The following SYNE1 variants were observed in gnomAD, a reference collection of about 807,000 sequenced individuals.
SYNE1 encodes the protein spectrin repeat containing nuclear envelope protein 1.
In SYNE1, 616 loss-of-function variants were observed where a neutral mutation model predicts 1,111.0. The ratio of observed to expected loss-of-function variants is 0.55; its 90% CI spans 0.52 to 0.59. The LOEUF (loss-of-function observed/expected upper bound fraction) is 0.59. SYNE1 is among the 20% of genes least tolerant of loss of function. The pLI is 0.00. For missense variants in SYNE1, 10,006 were observed against 10,417.0 expected (o/e 0.96, Z 1.72); for synonymous variants, 3,855 against 3,825.8 (o/e 1.01, Z -0.28).
At chr6:152,383,154 T>A (rs1434645799) in intron 55 of SYNE1, among the ~76,000 whole-genome samples, 2 of 152,228 alleles carry the variant, frequency 1.3e-5, no homozygotes, top group Non-Finnish European at 2.9e-5. Context: ...CAGTTTCTGA[T>A]AGTCTTCACT....
At chr6:152,636,435 C>T (rs1288656024) in intron 2 of SYNE1, among the ~76,000 whole-genome samples, 2 of 152,052 alleles carry the variant, frequency 1.3e-5, no homozygotes, top group Admixed American at 6.5e-5. Flanking sequence ...AAAGAGGCTC[C>T]CCAACCTCCT....
chr6:152,467,892 A>G (rs1244581198), intron 16 of SYNE1, among the ~76,000 whole-genome samples: 1 of 152,116 alleles, frequency 6.6e-6, no homozygotes, highest in African/African-American at 2.4e-5. Flanking sequence ...TATTTTATCT[A>G]TTGAATCACT....
chr6:152,212,127 T>C (rs2153426827), intron 123 of SYNE1, among the ~76,000 whole-genome samples: 1 of 152,288 alleles, frequency 6.6e-6, no homozygotes, highest in East Asian at 1.9e-4. Flanking sequence ...CTTTATTGAG[T>C]AACAATTCAC....
Position 152,381,060 on chromosome 6 carries a change from G to A in SYNE1, c.8955C>T (p.Leu2985=). ...CCTCATCCGTGTTCTTGCCTTCCAGGAGGGTTAACTGCTGAGCCCAGGTTT... is the reference window on the plus strand; with the variant it reads ...CCTCATCCGTGTTCTTGCCTTCCAGAAGGGTTAACTGCTGAGCCCAGGTTT... ...LLKTWAQQLT[L]LEGKNTDEEI... is the part of the protein sequence containing the mutation. Residue 2985 remains leucine, a synonymous_variant, in exon 56 of 146, where the codon CTC becomes CTT. Coordinates refer to ENST00000367255, the MANE Select transcript of SYNE1 (RefSeq NM_182961.4). 1 of 1,614,114 alleles carries A rather than the reference G, an allele frequency of 6.2e-7. No homozygotes were observed. The highest frequency in any genetic ancestry group is 8.5e-7 in the Non-Finnish European group (1 of 1,180,024).
intron 39 of SYNE1, among the ~76,000 whole-genome samples, chr6:152,424,118 T>A (rs954622004): frequency 6.6e-6 from 1 of 152,176 alleles, no homozygotes. Context: ...CCTCGGCACC[T>A]AAAAAGGTGC....
intron 63 of SYNE1, 44 bp from the exon 64 acceptor site, chr6:152,362,367 T>C: frequency 6.2e-7 from 1 of 1,613,208 alleles, no homozygotes; most frequent in Non-Finnish European, 8.5e-7. Context: ...TTGAGAATCC[T>C]TAGGAGTCTA....
At position 152,442,113 on chromosome 6, in the gene SYNE1, G is replaced by C; in HGVS notation, c.3970C>G (p.Leu1324Val). Residue 1324 changes from leucine (L) to valine (V), a missense_variant, in exon 31 of 146, where the codon CTG (leucine) becomes GTG (valine). By Grantham distance (32) the Leu-to-Val change is conservative (BLOSUM62 1). Transcript: ENST00000367255. ...TCCTGCCTCTCCCGGCTGCGCTCCA[G>C]GCCATCCAGTGTGCTCTCCAGCTTC... ...LRKLESTLDG[L>V]ERSRERQERR... is the part of the protein sequence containing the mutation. 1 of 1,614,072 alleles carries C rather than the reference G, an allele frequency of 6.2e-7. No individual in the cohort carries two copies. The highest frequency in any genetic ancestry group is 8.5e-7 in the Non-Finnish European group (1 of 1,180,038).
intron 22 of SYNE1, among the ~76,000 whole-genome samples, chr6:152,457,128 T>G (rs2098701511): frequency 6.6e-6 from 1 of 152,070 alleles, no homozygotes; most frequent in South Asian, 2.1e-4. Context: ...AGAATGCAGT[T>G]TGGTGGTATA....
rs544556736 is a variant in SYNE1 at position 152,344,292 on chromosome 6, A to G, written c.12079-65T>C. On this transcript the variant is annotated intron_variant, in intron 73 of 145. Transcript: ENST00000367255. ...TTCTACCTCTATAAAGATCATTCAAATTCAATGAAACATGACCAGTACATC... is the reference window on the plus strand; with the variant it reads ...TTCTACCTCTATAAAGATCATTCAAGTTCAATGAAACATGACCAGTACATC... 4.4e-5 allele frequency: 71 copies of G among 1,606,752 alleles called. No individual in the cohort carries two copies. The African/African-American group carries it at 8.6e-4, about 19-fold the overall frequency.
intron 76 of SYNE1, among the ~76,000 whole-genome samples, chr6:152,334,977 G>T (rs1486561505): frequency 6.6e-6 from 1 of 152,304 alleles, no homozygotes; most frequent in South Asian, 2.1e-4. Flanking sequence ...GTTGGGGAAG[G>T]CTGGAGTACA....
chr6:152,461,341 C>T (rs1031189412), intron 21 of SYNE1, among the ~76,000 whole-genome samples: 7 of 152,044 alleles, frequency 4.6e-5, no homozygotes, highest in African/African-American at 1.7e-4. Context: ...CACATGTAAC[C>T]GTTCCCCAAA....
chr6:152,427,741 G>A lies in SYNE1; in HGVS notation c.5052C>T (p.Asp1684=). ...CCACTTTGACTCTGTCTGCAGAAAT[G>A]TCCATTTCTGGGGAACTGGCTTTAG... The part of the protein sequence containing the change: ...GEAKASSPEM[D]ISADRVKVEG... The change falls in exon 38 of 146, where the codon GAC becomes GAT. Residue 1684 remains aspartate (D), a synonymous_variant. Transcript: ENST00000367255. 1 of 1,614,084 alleles carries A rather than the reference G, an allele frequency of 6.2e-7. No individual in the cohort carries two copies. The highest frequency in any genetic ancestry group is 1.1e-5 in the South Asian group (1 of 91,084).
At chr6:152,220,723 G>C in intron 119 of SYNE1, 119 bp downstream of exon 119, 1 of 932,606 alleles carries the variant, frequency 1.1e-6, no homozygotes, top group Non-Finnish European at 1.8e-6. Context: ...TCCTAAGACA[G>C]TTATTTTTGG....
chr6:152,176,324 T>C (rs1022112930), intron 130 of SYNE1, 70 bp downstream of exon 130: 3 of 1,597,784 alleles, frequency 1.9e-6, no homozygotes, highest in Admixed American at 1.7e-5. Context: ...TATCTTTGGC[T>C]GATGAAAGGC....
intron 3 of SYNE1, among the ~76,000 whole-genome samples, chr6:152,624,882 T>G (rs900738702): frequency 1.3e-5 from 2 of 152,120 alleles, no homozygotes; most frequent in Non-Finnish European, 2.9e-5. Context: ...TAGTCAGCAA[T>G]TATGGGTGTA....
intron 129 of SYNE1, among the ~76,000 whole-genome samples, chr6:152,178,347 C>G (rs892681476): frequency 6.6e-6 from 1 of 152,188 alleles, no homozygotes; most frequent in Non-Finnish European, 1.5e-5. Context: ...ACAGCATTCT[C>G]TGACACCCAG....
chr6:152,340,886 G>A lies in SYNE1; in HGVS notation c.12226-1520C>T, dbSNP rs562323878. Among the ~76,000 whole-genome samples the A allele has an allele frequency of 5.3e-5, 8 of 152,290 alleles. No individual in the cohort carries two copies. The South Asian group carries it at 1.5e-3, about 28-fold the overall frequency. On this transcript the variant is annotated intron_variant, in intron 74 of 145. Coordinates refer to ENST00000367255, the MANE Select transcript of SYNE1 (RefSeq NM_182961.4). Reference sequence around the variant, plus strand: ...AGGGATCAGATGAACCATGAAGATGGCCTGACAGGGGGTGGTGGCTGAGGT... The same window carrying A: ...AGGGATCAGATGAACCATGAAGATGACCTGACAGGGGGTGGTGGCTGAGGT...
At chr6:152,278,361 C>T in intron 97 of SYNE1, 81 bp from the exon 98 acceptor site, 2 of 1,514,834 alleles carry the variant, frequency 1.3e-6, no homozygotes, top group Non-Finnish European at 9.1e-7. Context: ...AAATACAGCC[C>T]TTTGGAGTCT....
At chr6:152,140,520 G>C (rs185406114) in intron 139 of SYNE1, among the ~76,000 whole-genome samples, 1 of 152,288 alleles carries the variant, frequency 6.6e-6, no homozygotes, top group Non-Finnish European at 1.5e-5. Context: ...AGATATGTGA[G>C]AAACAGTGCA....
Sources: gnomAD v4.1 joint callset for allele counts (sites outside exome capture counted in the v4.1 genomes callset) on GRCh38, gnomAD v4.1.1 for gene constraint, MANE v1.5 for transcripts, NCBI Gene and HGNC (gene_info 2026-07-23, HGNC 2026-07-21) for gene names.